Variants in HIPK2 observed in about 807,000 individuals in gnomAD.
HIPK2 encodes homeodomain-interacting protein kinase 2.
In HIPK2, 27 loss-of-function variants were observed where a neutral mutation model predicts 113.7. That is an observed-to-expected ratio of 0.24 (90% CI 0.17 to 0.33). HIPK2 has a LOEUF of 0.33. Ranked by LOEUF, HIPK2 falls within the 10% of genes least tolerant of loss-of-function variation. The pLI is 1.00. For synonymous variants in HIPK2, 631 were observed against 642.2 expected (o/e 0.98, Z 0.26); for missense variants, 1,257 against 1,588.0 (o/e 0.79, Z 3.54).
At chr7:139,768,827 T>A (rs1386013703) in intron 1 of HIPK2, among the ~76,000 whole-genome samples, 1 of 152,176 alleles carries the variant, frequency 6.6e-6, no homozygotes, top group Non-Finnish European at 1.5e-5. Flanking sequence ...CACTCGGCAT[T>A]CTGGAGTGTT....
chr7:139,650,575 G>A (rs780202065), intron 2 of HIPK2, among the ~76,000 whole-genome samples: 1 of 152,048 alleles, frequency 6.6e-6, no homozygotes, highest in Non-Finnish European at 1.5e-5. Flanking sequence ...GGCCCCTGAG[G>A]ACCCAGTTCT....
intron 1 of HIPK2, among the ~76,000 whole-genome samples, chr7:139,767,927 T>C (rs1254636665): frequency 1.3e-5 from 2 of 152,220 alleles, no homozygotes; most frequent in Non-Finnish European, 2.9e-5. Flanking sequence ...TGCCCATTCA[T>C]AGGCTGAGCA....
At chr7:139,662,115 T>C (rs9690919) in intron 2 of HIPK2, among the ~76,000 whole-genome samples, 23,947 of 152,230 alleles carry the variant, frequency 0.16, 2,268 homozygotes, top group East Asian at 0.4. Context: ...TATGTCTTCA[T>C]TCAATTCACT....
At chr7:139,710,971 T>C (rs566643970) in intron 2 of HIPK2, among the ~76,000 whole-genome samples, 41 of 151,824 alleles carry the variant, frequency 2.7e-4, no homozygotes, top group African/African-American at 9.2e-4. Flanking sequence ...ATGCTTCCTA[T>C]ACACCCCGCA....
In HIPK2 at chr7:139,711,617, T is replaced by C. The variant is rs144173251; in HGVS notation, c.1103+4315A>G. On this transcript the variant is annotated intron_variant, in intron 2 of 14. Transcript: ENST00000406875. ...ATATATTTTAATCACTGATTACCCT[T>C]TGCCTGAATGGCATGTCTTTTTGTT... is the stretch of plus-strand genomic sequence containing the variant. 7.7e-3 allele frequency among the ~76,000 whole-genome samples: 1,178 copies of C among 152,326 alleles called. 41 individuals are homozygous for C. Among genetic ancestry groups the C allele is most frequent in the Admixed American group, 0.066 (1,015 of 15,310 alleles).
intron 14 of HIPK2, 64 bp from the exon 15 acceptor site, chr7:139,573,461 G>C: frequency 7.0e-7 from 1 of 1,428,322 alleles, no homozygotes; most frequent in Non-Finnish European, 9.7e-7. Context: ...GGAATGGGAG[G>C]AGGGGCAGGA....
At chr7:139,695,512 T>G (rs990997238) in intron 2 of HIPK2, among the ~76,000 whole-genome samples, 1 of 152,172 alleles carries the variant, frequency 6.6e-6, no homozygotes. Context: ...TACTTGAGAA[T>G]AGAAGTAGAT....
chr7:139,616,342 C>A (rs1400661094), intron 7 of HIPK2, among the ~76,000 whole-genome samples: 1 of 152,190 alleles, frequency 6.6e-6, no homozygotes, highest in Non-Finnish European at 1.5e-5. Context: ...CCACAAGACA[C>A]CTTTGTGCAT....
chr7:139,627,937 T>C (rs1482086584), intron 5 of HIPK2, among the ~76,000 whole-genome samples: 1 of 152,208 alleles, frequency 6.6e-6, no homozygotes, highest in Non-Finnish European at 1.5e-5. Flanking sequence ...TTGGTGTGAA[T>C]GTGACCTTAT....
At chr7:139,742,577 A>G (rs1000884612) in intron 1 of HIPK2, among the ~76,000 whole-genome samples, 1 of 152,194 alleles carries the variant, frequency 6.6e-6, no homozygotes, top group Non-Finnish European at 1.5e-5. Flanking sequence ...AATGGATTGG[A>G]TAATCCCCAA....
intron 1 of HIPK2, among the ~76,000 whole-genome samples, chr7:139,771,290 T>C (rs946150205): frequency 1.3e-5 from 2 of 152,124 alleles, no homozygotes; most frequent in East Asian, 1.9e-4. Flanking sequence ...GTTTTTATAC[T>C]TATGGCCTCT....
At position 139,571,155 on chromosome 7, in the gene HIPK2, C is replaced by G. The variant is rs1197868523; in HGVS notation, c.*1772G>C. On this transcript the variant is annotated 3_prime_UTR_variant, in exon 15 of 15. Transcript: ENST00000406875. Reference sequence around the variant, plus strand: ...ACCAAAACCAAAATCATGTCTTGAGCAGACCTGGGTAATGTGAGGAGAGAA... The same window carrying G: ...ACCAAAACCAAAATCATGTCTTGAGGAGACCTGGGTAATGTGAGGAGAGAA... The G allele has an allele frequency of 1.3e-5, 2 of 152,372 alleles. No homozygotes were observed. Among genetic ancestry groups the G allele is most frequent in the Non-Finnish European group, 2.9e-5 (2 of 68,144 alleles). The allele number at this position is 152,372 out of a possible 1,614,324, so 9.4% of individuals were successfully genotyped here.
At chr7:139,574,147 A>C (rs1308095114) in intron 14 of HIPK2, among the ~76,000 whole-genome samples, 1 of 152,096 alleles carries the variant, frequency 6.6e-6, no homozygotes, top group Non-Finnish European at 1.5e-5. Flanking sequence ...TTTGAGCAGC[A>C]GTTGCTTTCT....
intron 2 of HIPK2, among the ~76,000 whole-genome samples, chr7:139,711,382 C>T (rs774242305): frequency 6.6e-6 from 1 of 151,896 alleles, no homozygotes; most frequent in African/African-American, 2.4e-5. Flanking sequence ...GAGTCGAGAT[C>T]GCACCACTGC....
chr7:139,597,240 G>C (rs973675157), intron 11 of HIPK2, among the ~76,000 whole-genome samples: 13 of 152,198 alleles, frequency 8.5e-5, no homozygotes, highest in African/African-American at 3.1e-4. Flanking sequence ...GGAGCAGCCA[G>C]GGCTTTCGGA....
At chr7:139,594,579 C>G (rs1799132658) in intron 12 of HIPK2, among the ~76,000 whole-genome samples, 1 of 152,176 alleles carries the variant, frequency 6.6e-6, no homozygotes, top group Non-Finnish European at 1.5e-5. Context: ...AATACACTTT[C>G]CTACCTTCTT....
intron 2 of HIPK2, among the ~76,000 whole-genome samples, chr7:139,709,557 A>G (rs1206011202): frequency 6.6e-6 from 1 of 152,224 alleles, no homozygotes; most frequent in African/African-American, 2.4e-5. Flanking sequence ...TAATGAGGCC[A>G]AGGTCAACCC....
intron 2 of HIPK2, among the ~76,000 whole-genome samples, chr7:139,702,489 G>A (rs1043573706): frequency 6.6e-5 from 10 of 152,148 alleles, no homozygotes; most frequent in East Asian, 3.9e-4. Context: ...ATGAGGATAC[G>A]TACCCCATTA....
In HIPK2 at chr7:139,575,184, G is replaced by A. The variant is rs774143609; in HGVS notation, c.3070C>T (p.Arg1024Trp). The A allele has an allele frequency of 2.3e-5, 36 of 1,590,430 alleles. No individual in the cohort carries two copies. Among genetic ancestry groups the A allele is most frequent in the Admixed American group, 2.0e-4 (11 of 56,138 alleles). The change falls in exon 14 of 15, where the codon CGG becomes TGG. Residue 1024 changes from arginine to tryptophan, a missense_variant. Arg to Trp is a moderately radical substitution (Grantham distance 101). Around this residue, in one of 5 missense-constraint regions of HIPK2, gnomAD observed 862 missense variants for 1,004.3 expected, o/e 0.86. Transcript: ENST00000406875. ...SGSSSGAITY[R>W]QQRPGPHFQQ... The stretch of plus-strand genomic sequence containing the variant: ...AAGTGGGGGCCCGGCCGCTGCTGCC[G>A]GTAGGTGATGGCTCCAGATGAGCTC...
Sources: gnomAD v4.1 joint callset for allele counts (sites outside exome capture counted in the v4.1 genomes callset) on GRCh38, gnomAD v4.1.1 for gene constraint, gnomAD v4.1.1 regional missense constraint, MANE v1.5 for transcripts, NCBI Gene and HGNC (gene_info 2026-07-23, HGNC 2026-07-21) for gene names.